Variants in PTCHD4 observed in about 807,000 individuals in gnomAD.
The protein encoded by PTCHD4 is patched domain containing 4.
A neutral mutation model predicts 58.1 loss-of-function variants in PTCHD4; 33 were observed. The ratio of observed to expected loss-of-function variants is 0.57; its 90% CI spans 0.43 to 0.76. PTCHD4 has a LOEUF of 0.76. Among genes scored for constraint, PTCHD4 ranks in the 30% least tolerant of loss-of-function variants. The pLI, the probability that PTCHD4 is intolerant of heterozygous loss-of-function variation, is 0.00. For missense variants in PTCHD4, 1,058 were observed against 1,027.1 expected (o/e 1.03, Z -0.41); for synonymous variants, 478 against 409.6 (o/e 1.17, Z -2.02).
In PTCHD4 at chr6:47,860,551, C is replaced by G. The variant is rs1763399994; in HGVS notation, c.*17752G>C. Among the ~76,000 whole-genome samples, 2 of 151,974 alleles carry G rather than the reference C, an allele frequency of 1.3e-5. No individual in the cohort carries two copies. The highest frequency in any genetic ancestry group is 4.8e-5 in the African/African-American group (2 of 41,408). On this transcript the variant is annotated 3_prime_UTR_variant, in exon 5 of 5. Transcript: ENST00000339488. ...TTCCTGTCCTACAGAAAATGTAATCCCTCATCCATGCAGCCTTCTTTCTTT... is the reference window on the plus strand; with the variant it reads ...TTCCTGTCCTACAGAAAATGTAATCGCTCATCCATGCAGCCTTCTTTCTTT...
intron 3 of PTCHD4, among the ~76,000 whole-genome samples, chr6:48,028,736 A>G (rs1763335958): frequency 6.6e-6 from 1 of 152,078 alleles, no homozygotes. Flanking sequence ...ATTATTTAAG[A>G]TAACCCAAAT....
chr6:48,085,109 A>C (rs896651337), intron 1 of PTCHD4, among the ~76,000 whole-genome samples: 1 of 151,922 alleles, frequency 6.6e-6, no homozygotes, highest in Non-Finnish European at 1.5e-5. Flanking sequence ...CCCGATAGTT[A>C]AGTCTGCAAG....
At chr6:47,939,998 C>T (rs953028473) in intron 4 of PTCHD4, among the ~76,000 whole-genome samples, 2 of 151,996 alleles carry the variant, frequency 1.3e-5, no homozygotes, top group African/African-American at 4.8e-5. Context: ...GTGATTTAGA[C>T]ATACATCGCT....
chr6:47,968,160 A>G (rs1012224371), intron 4 of PTCHD4, among the ~76,000 whole-genome samples: 3 of 152,142 alleles, frequency 2.0e-5, no homozygotes, highest in Non-Finnish European at 4.4e-5. Context: ...CAGGGTTATT[A>G]ACTGGCCTAA....
chr6:48,081,522 C>T (rs570524874), intron 1 of PTCHD4, among the ~76,000 whole-genome samples: 7 of 151,922 alleles, frequency 4.6e-5, no homozygotes, highest in African/African-American at 1.2e-4. Flanking sequence ...CTTAGACTAG[C>T]GTGAGGATTA....
At chr6:47,969,038 T>G (rs1180020858) in intron 4 of PTCHD4, among the ~76,000 whole-genome samples, 1 of 152,202 alleles carries the variant, frequency 6.6e-6, no homozygotes, top group Non-Finnish European at 1.5e-5. Context: ...AATCCAGAAC[T>G]ATTTATTTCT....
intron 4 of PTCHD4, 145 bp from the exon 5 acceptor site, chr6:47,880,081 T>C: frequency 1.5e-6 from 1 of 660,370 alleles, no homozygotes; most frequent in Non-Finnish European, 2.4e-6. Context: ...CCTCAAAAGT[T>C]GAGTTATGGA....
At chr6:47,911,366 C>A (rs1765063445) in intron 4 of PTCHD4, among the ~76,000 whole-genome samples, 1 of 152,156 alleles carries the variant, frequency 6.6e-6, no homozygotes, top group South Asian at 2.1e-4. Flanking sequence ...TGGTGACACT[C>A]TCTCACTTTC....
In PTCHD4 at chr6:47,868,353, GC is replaced by G. The variant is rs1763626326; in HGVS notation, c.*9949del. On this transcript the variant is annotated 3_prime_UTR_variant, in exon 5 of 5. Transcript: ENST00000339488. ...ACTTGAAATTCTTCCTTTATATGGGGCCTTATTATTGTGTAACTGGCTATAT... is the reference window on the plus strand; with the variant it reads ...ACTTGAAATTCTTCCTTTATATGGGGCTTATTATTGTGTAACTGGCTATAT... Among the ~76,000 whole-genome samples, 1 of 151,578 alleles carries G rather than the reference GC, an allele frequency of 6.6e-6. No individual in the cohort carries two copies. The highest frequency in any genetic ancestry group is 2.4e-5 in the African/African-American group (1 of 41,324).
chr6:47,988,126 G>A (rs1768142399), intron 4 of PTCHD4, among the ~76,000 whole-genome samples: 1 of 151,980 alleles, frequency 6.6e-6, no homozygotes, highest in Non-Finnish European at 1.5e-5. Context: ...AAGCAGAGGA[G>A]GAAAAGAAAT....
intron 4 of PTCHD4, among the ~76,000 whole-genome samples, chr6:47,928,815 TACTC>T (rs1429391260): frequency 2.6e-5 from 4 of 152,078 alleles, no homozygotes; most frequent in African/African-American, 7.3e-5. Flanking sequence ...GTGTCGATGA[TACTC>T]AATAAATGTG....
intron 3 of PTCHD4, among the ~76,000 whole-genome samples, chr6:48,018,000 T>C (rs971415713): frequency 2.6e-5 from 4 of 152,156 alleles, no homozygotes; most frequent in Non-Finnish European, 5.9e-5. Context: ...ATTGAGAAGA[T>C]TGAATGTGTG....
intron 4 of PTCHD4, among the ~76,000 whole-genome samples, chr6:47,923,220 A>G (rs1463315465): frequency 2.6e-5 from 4 of 152,210 alleles, no homozygotes; most frequent in Non-Finnish European, 5.9e-5. Flanking sequence ...AAAAGAGAAA[A>G]TCAAAATACT....
At chr6:47,930,335 T>C (rs1765770518) in intron 4 of PTCHD4, among the ~76,000 whole-genome samples, 1 of 152,198 alleles carries the variant, frequency 6.6e-6, no homozygotes, top group South Asian at 2.1e-4. Context: ...TCGTTTTGTA[T>C]ACAGATGTTT....
chr6:47,920,310 C>A (rs913844636), intron 4 of PTCHD4, among the ~76,000 whole-genome samples: 1 of 152,014 alleles, frequency 6.6e-6, no homozygotes, highest in South Asian at 2.1e-4. Flanking sequence ...TATGTATATA[C>A]GATGATGATT....
intron 4 of PTCHD4, among the ~76,000 whole-genome samples, chr6:47,977,052 C>G (rs1226460466): frequency 6.6e-6 from 1 of 152,078 alleles, no homozygotes; most frequent in Non-Finnish European, 1.5e-5. Context: ...GGGAGTTTAT[C>G]ATAAGGGAAT....
At chr6:47,887,308 A>T (rs1016902706) in intron 4 of PTCHD4, among the ~76,000 whole-genome samples, 1 of 150,806 alleles carries the variant, frequency 6.6e-6, no homozygotes. Flanking sequence ...TTAAATATAA[A>T]TTATAACTTT....
At chr6:47,983,868 G>A (rs1045160418) in intron 4 of PTCHD4, among the ~76,000 whole-genome samples, 1 of 152,058 alleles carries the variant, frequency 6.6e-6, no homozygotes, top group African/African-American at 2.4e-5. Flanking sequence ...TCAAACATTT[G>A]TCAGTAAACC....
At chr6:47,891,221 CAAAA>C (rs35503136) in intron 4 of PTCHD4, among the ~76,000 whole-genome samples, 17,420 of 83,224 alleles carry the variant, frequency 0.21, 1,724 homozygotes, top group East Asian at 0.52. Context: ...GACTGTGTCT[CAAAA>C]AAAAAAAAAA....
Sources: allele counts gnomAD v4.1 joint callset (sites outside exome capture counted in the v4.1 genomes callset), GRCh38; gene constraint gnomAD v4.1.1; transcripts MANE v1.5; gene names NCBI Gene and HGNC (gene_info 2026-07-23, HGNC 2026-07-21).